Variants in PIK3CG observed in about 807,000 individuals in gnomAD.
The protein encoded by PIK3CG is phosphatidylinositol-4,5-bisphosphate 3-kinase catalytic subunit gamma.
Under a neutral mutation model 102.3 loss-of-function variants are expected in PIK3CG, and 55 were observed. That is an observed-to-expected ratio of 0.54 (90% CI 0.43 to 0.67). PIK3CG has a LOEUF of 0.67. Among genes scored for constraint, PIK3CG ranks in the 30% least tolerant of loss-of-function variants. The pLI, the probability that PIK3CG is intolerant of heterozygous loss-of-function variation, is 0.00. For missense variants in PIK3CG, 1,258 were observed against 1,391.8 expected (o/e 0.90, Z 1.53); for synonymous variants, 552 against 540.0 (o/e 1.02, Z -0.31).
At chr7:106,875,159 G>T (rs111967488) in intron 5 of PIK3CG, among the ~76,000 whole-genome samples, 1 of 152,180 alleles carries the variant, frequency 6.6e-6, no homozygotes, top group African/African-American at 2.4e-5. Flanking sequence ...GACCAGCCTG[G>T]CCAACAAGGT....
rs1485110487 is a variant in PIK3CG, at chr7:106,886,140, C to T, written c.2878C>T (p.Leu960=). The change falls in exon 10 of 11, where the codon CTA becomes TTA. Residue 960 remains leucine (L), a synonymous_variant. Coordinates refer to ENST00000496166, the MANE Select transcript of PIK3CG (RefSeq NM_001282426.2). ...DNIMITETGN[L]FHIDFGHILG... Reference sequence around the variant, plus strand: ...AGATACTTTCTTCTCTTAAGGAAACCTATTTCATATTGACTTCGGGCACAT... The same window carrying T: ...AGATACTTTCTTCTCTTAAGGAAACTTATTTCATATTGACTTCGGGCACAT... 6.2e-6 allele frequency: 10 copies of T among 1,613,556 alleles called. No homozygotes were observed. The highest frequency in any genetic ancestry group is 7.6e-6 in the Non-Finnish European group (9 of 1,179,692).
chr7:106,879,669 T>A lies in PIK3CG; in HGVS notation c.2538+4T>A, dbSNP rs781249762. ...CCAAGACATGCTTATTTTACAGGTATGCTAATTTTAAGATTGTTTTCAATT... is the reference window on the plus strand; with the variant it reads ...CCAAGACATGCTTATTTTACAGGTAAGCTAATTTTAAGATTGTTTTCAATT... On this transcript the variant is annotated splice_donor_region_variant and intron_variant, in intron 6 of 10. Coordinates refer to ENST00000496166, the MANE Select transcript of PIK3CG (RefSeq NM_001282426.2). The surrounding 1 kb of genome is among the most constrained non-coding windows in gnomAD (Gnocchi z 4.9). 62 of 1,604,080 alleles carry A rather than the reference T, an allele frequency of 3.9e-5. No homozygotes were observed. Among genetic ancestry groups the A allele is most frequent in the Non-Finnish European group, 5.3e-5 (62 of 1,174,078 alleles).
rs1178692056 is a variant in PIK3CG, at chr7:106,869,324, C to T, written c.1763C>T (p.Ala588Val). The T allele has an allele frequency of 1.9e-6, 3 of 1,614,102 alleles. No homozygotes were observed. The highest frequency in any genetic ancestry group is 2.5e-6 in the Non-Finnish European group (3 of 1,180,046). ...FRYESLKHPK[A>V]YPKLFSSVKW... ...TACGAAAGCCTTAAGCACCCAAAAGCATATCCTAAGCTATTTAGTTCAGTG... is the reference window on the plus strand; with the variant it reads ...TACGAAAGCCTTAAGCACCCAAAAGTATATCCTAAGCTATTTAGTTCAGTG... Residue 588 changes from alanine to valine, a missense_variant, in exon 2 of 11, where the codon GCA becomes GTA. Transcript: ENST00000496166. This position sits in a 1 kb window ranked among gnomAD's most constrained non-coding sequence, Gnocchi z 5.3.
In PIK3CG at chr7:106,867,802, A is replaced by G. The variant is rs2116422301; in HGVS notation, c.241A>G (p.Thr81Ala). The G allele has an allele frequency of 1.2e-6, 2 of 1,612,594 alleles. No individual in the cohort carries two copies. The highest frequency in any genetic ancestry group is 1.7e-6 in the Non-Finnish European group (2 of 1,179,926). The change falls in exon 2 of 11, where the codon ACC becomes GCC. Residue 81 changes from threonine to alanine, a missense_variant. Physicochemically the swap from Thr to Ala is moderately conservative, Grantham distance 58. Coordinates refer to ENST00000496166, the MANE Select transcript of PIK3CG (RefSeq NM_001282426.2). This position sits in a 1 kb window ranked among gnomAD's most constrained non-coding sequence, Gnocchi z 5.1. The stretch of plus-strand genomic sequence containing the variant: ...CCAGGTGTGGCTGCGAGCGCTGGAG[A>G]CCAGCGTGGCGGCGGACTTCTACCA... The part of the protein sequence containing the change: ...KAQVWLRALE[T>A]SVAADFYHRL...
At position 106,895,825 on chromosome 7, in the gene PIK3CG, G is replaced by T. The variant is rs1039418403; in HGVS notation, c.3031-9284G>T. On this transcript the variant is annotated intron_variant, in intron 10 of 10. Coordinates refer to ENST00000496166, the MANE Select transcript of PIK3CG (RefSeq NM_001282426.2). This position sits in a 1 kb window ranked among gnomAD's most constrained non-coding sequence, Gnocchi z 5.4. ...TATTATTCTTAATCTATATTTAAAA[G>T]AGGTTAAGTGACTTCTCCAGTGATA... Among the ~76,000 whole-genome samples, 8 of 152,320 alleles carry T rather than the reference G, an allele frequency of 5.3e-5. No individual in the cohort carries two copies. The highest frequency in any genetic ancestry group is 1.7e-4 in the African/African-American group (7 of 41,564).
At chr7:106,878,859 T>C (rs1473878822) in intron 5 of PIK3CG, among the ~76,000 whole-genome samples, 2 of 152,224 alleles carry the variant, frequency 1.3e-5, no homozygotes, top group Non-Finnish European at 2.9e-5. Context: ...TTTCAAATTG[T>C]GTTTGCTTCT....
At chr7:106,870,574 T>C (rs563359317) in intron 2 of PIK3CG, among the ~76,000 whole-genome samples, 2 of 152,312 alleles carry the variant, frequency 1.3e-5, no homozygotes, top group South Asian at 2.1e-4. Flanking sequence ...CTATACCGTA[T>C]TATGAGAAAA....
In PIK3CG at chr7:106,869,501, A is replaced by C. The variant is rs1314661524; in HGVS notation, c.1940A>C (p.Lys647Thr). 4 of 1,614,044 alleles carry C rather than the reference A, an allele frequency of 2.5e-6. No individual in the cohort carries two copies. In the African/African-American group the frequency reaches 4.0e-5, roughly 16 times the overall value. ...AATGTAAGAGCCATTGCAGTTCAGA[A>C]ACTGGAGAGCTTGGAGGACGATGAT... Reference protein sequence around the residue: ...DENVRAIAVQKLESLEDDDVL... With the variant: ...DENVRAIAVQTLESLEDDDVL... Residue 647 changes from lysine to threonine, a missense_variant, in exon 2 of 11, where the codon AAA (lysine) becomes ACA (threonine). Transcript: ENST00000496166. The surrounding 1 kb of genome is among the most constrained non-coding windows in gnomAD (Gnocchi z 5.3).
In PIK3CG at chr7:106,893,577, A is replaced by G. The variant is rs927117250; in HGVS notation, c.3030+7285A>G. Among the ~76,000 whole-genome samples the G allele has an allele frequency of 3.9e-5, 6 of 152,214 alleles. No individual in the cohort carries two copies. The highest frequency in any genetic ancestry group is 1.4e-4 in the African/African-American group (6 of 41,452). On this transcript the variant is annotated intron_variant, in intron 10 of 10. Transcript: ENST00000496166. The surrounding 1 kb of genome is among the most constrained non-coding windows in gnomAD (Gnocchi z 4.4). ...CCATATTACAAAACATACTCTCTCT[A>G]TTAAGATCTTCTTGTGAAAATTCTA...
At position 106,869,103 on chromosome 7, in the gene PIK3CG, G is replaced by A. The variant is rs2116457907; in HGVS notation, c.1542G>A (p.Met514Ile). 6.2e-7 allele frequency: 1 copy of A among 1,614,198 alleles called. No individual in the cohort carries two copies. The change falls in exon 2 of 11, where the codon ATG becomes ATA. Residue 514 changes from methionine to isoleucine, a missense_variant. Coordinates refer to ENST00000496166, the MANE Select transcript of PIK3CG (RefSeq NM_001282426.2). The surrounding 1 kb of genome is among the most constrained non-coding windows in gnomAD (Gnocchi z 5.3). ...CTAACCCAGACAAGGAGAACTCAAT[G>A]TCCATCTCCATTCTTCTGGACAATT... The part of the protein sequence containing the change: ...SATNPDKENS[M>I]SISILLDNYC...
In PIK3CG at chr7:106,908,820, A is replaced by G. The variant is rs1791756452; in HGVS notation, c.*3433A>G. 1.3e-5 allele frequency among the ~76,000 whole-genome samples: 2 copies of G among 152,352 alleles called. No individual in the cohort carries two copies. Among genetic ancestry groups the G allele is most frequent in the South Asian group, 4.1e-4 (2 of 4,828 alleles). ...GAGCAAATCTGACCTAGCATTTGGT[A>G]TGCTAGGCTCTGCTTTTCATGATTT... On this transcript the variant is annotated 3_prime_UTR_variant, in exon 11 of 11. Transcript: ENST00000496166. This position sits in a 1 kb window ranked among gnomAD's most constrained non-coding sequence, Gnocchi z 4.1.
intron 10 of PIK3CG, among the ~76,000 whole-genome samples, chr7:106,887,108 C>G (rs1201063412): frequency 6.6e-6 from 1 of 152,188 alleles, no homozygotes; most frequent in Non-Finnish European, 1.5e-5. Context: ...GGCGTAGATT[C>G]TACTGGCTTT....
chr7:106,896,403 A>T (rs1262360655), intron 10 of PIK3CG, among the ~76,000 whole-genome samples: 1 of 152,098 alleles, frequency 6.6e-6, no homozygotes, highest in African/African-American at 2.4e-5. Context: ...ATCAGAATGT[A>T]CTCTAATTCA....
At position 106,872,343 on chromosome 7, in the gene PIK3CG, T is replaced by A. The variant is rs951259010; in HGVS notation, c.1996-194T>A. ...AGTTATGTCATCGGCTGCTCTATGATCTTAAGCAAGTGGTTCAGTCTGGTC... is the reference window on the plus strand; with the variant it reads ...AGTTATGTCATCGGCTGCTCTATGAACTTAAGCAAGTGGTTCAGTCTGGTC... On this transcript the variant is annotated intron_variant, in intron 2 of 10. Coordinates refer to ENST00000496166, the MANE Select transcript of PIK3CG (RefSeq NM_001282426.2). This position sits in a 1 kb window ranked among gnomAD's most constrained non-coding sequence, Gnocchi z 5.3. 2.0e-5 allele frequency among the ~76,000 whole-genome samples: 3 copies of A among 152,198 alleles called. No individual in the cohort carries two copies. The highest frequency in any genetic ancestry group is 7.2e-5 in the African/African-American group (3 of 41,444).
rs138927564 is a variant in PIK3CG at position 106,898,142 on chromosome 7, A to C, written c.3031-6967A>C. Reference sequence around the variant, plus strand: ...ATTTCTCTAATGATCAATGATGTTAAGCTTTTTTCATATGCTTATTGGCTG... The same window carrying C: ...ATTTCTCTAATGATCAATGATGTTACGCTTTTTTCATATGCTTATTGGCTG... On this transcript the variant is annotated intron_variant, in intron 10 of 10. Coordinates refer to ENST00000496166, the MANE Select transcript of PIK3CG (RefSeq NM_001282426.2). 3.3e-3 allele frequency among the ~76,000 whole-genome samples: 499 copies of C among 152,266 alleles called. 2 individuals are homozygous for C. Among genetic ancestry groups the C allele is most frequent in the Non-Finnish European group, 4.3e-3 (292 of 68,002 alleles).
chr7:106,898,464 C>T (rs573769737), intron 10 of PIK3CG, among the ~76,000 whole-genome samples: 10 of 152,170 alleles, frequency 6.6e-5, no homozygotes, highest in Non-Finnish European at 1.2e-4. Context: ...ATTCCTACAA[C>T]CAGCATGGTA....
In PIK3CG at chr7:106,869,129, A is replaced by G. The variant is rs2116458538; in HGVS notation, c.1568A>G (p.Tyr523Cys). The G allele has an allele frequency of 1.2e-6, 2 of 1,614,220 alleles. No homozygotes were observed. Among genetic ancestry groups the G allele is most frequent in the Non-Finnish European group, 1.7e-6 (2 of 1,180,038 alleles). ...TCCATCTCCATTCTTCTGGACAATT[A>G]CTGCCACCCGATAGCCCTGCCTAAG... is the stretch of plus-strand genomic sequence containing the variant. ...SMSISILLDN[Y>C]CHPIALPKHQ... The change falls in exon 2 of 11, where the codon TAC becomes TGC. Residue 523 changes from tyrosine (Y) to cysteine (C), a missense_variant. Transcript: ENST00000496166. The surrounding 1 kb of genome is among the most constrained non-coding windows in gnomAD (Gnocchi z 5.3).
chr7:106,871,985 A>T (rs1790547900), intron 2 of PIK3CG, among the ~76,000 whole-genome samples: 1 of 152,206 alleles, frequency 6.6e-6, no homozygotes, highest in African/African-American at 2.4e-5. Flanking sequence ...ATTGATCTAG[A>T]GCCACTGTTT....
intron 10 of PIK3CG, among the ~76,000 whole-genome samples, chr7:106,888,770 CAT>C (rs1178039794): frequency 2.0e-5 from 3 of 152,170 alleles, no homozygotes. Flanking sequence ...ACACATACAG[CAT>C]AACAAGGTGG....
Sources: allele counts gnomAD v4.1 joint callset (sites outside exome capture counted in the v4.1 genomes callset), GRCh38; gene constraint gnomAD v4.1.1; non-coding constraint Gnocchi (gnomAD v3.1); transcripts MANE v1.5; gene names NCBI Gene and HGNC (gene_info 2026-07-23, HGNC 2026-07-21).